Variants in PDZD8 observed in about 807,000 individuals in gnomAD.
PDZD8 encodes the protein PDZ domain containing 8, also known as PDZ domain-containing protein 8.
Under a neutral mutation model 85.8 loss-of-function variants are expected in PDZD8, and 14 were observed. The observed-to-expected ratio is 0.16, with a 90% CI of 0.11 to 0.26. The LOEUF (loss-of-function observed/expected upper bound fraction) is 0.26. PDZD8 is among the 10% of genes least tolerant of loss of function. PDZD8 has a pLI of 1.00. For synonymous variants in PDZD8, 592 were observed against 568.6 expected (o/e 1.04, Z -0.59); for missense variants, 1,197 against 1,424.3 (o/e 0.84, Z 2.57).
intron 2 of PDZD8, among the ~76,000 whole-genome samples, chr10:117,326,017 T>C (rs1844310519): frequency 1.3e-5 from 2 of 152,128 alleles, no homozygotes. Flanking sequence ...TCGCACTCAA[T>C]CTCTCTCCTG....
At chr10:117,366,005 T>C (rs534350249) in intron 1 of PDZD8, among the ~76,000 whole-genome samples, 1 of 152,010 alleles carries the variant, frequency 6.6e-6, no homozygotes, top group South Asian at 2.1e-4. Context: ...ACTATTGATC[T>C]AGAGTCCCTC....
At position 117,277,412 on chromosome 10, in the gene PDZD8, T is replaced by G. The variant is rs545086132; in HGVS notation, c.*5856A>C. On this transcript the variant is annotated 3_prime_UTR_variant, in exon 5 of 5. Coordinates refer to ENST00000334464, the MANE Select transcript of PDZD8 (RefSeq NM_173791.5). ...GGTTATTATTTCCTTTCCATGGTTATGGTCGATTGCCAACAGCCTTATAAA... is the reference window on the plus strand; with the variant it reads ...GGTTATTATTTCCTTTCCATGGTTAGGGTCGATTGCCAACAGCCTTATAAA... The G allele has an allele frequency of 2.0e-6, 1 of 493,190 alleles. No homozygotes were observed. Among genetic ancestry groups the G allele is most frequent in the South Asian group, 3.6e-5 (1 of 27,532 alleles). The allele number at this position is 493,190 out of a possible 1,614,324, so 30.6% of individuals were successfully genotyped here.
chr10:117,291,894 G>A (rs1240700925), intron 3 of PDZD8, among the ~76,000 whole-genome samples: 1 of 150,270 alleles, frequency 6.7e-6, no homozygotes, highest in Non-Finnish European at 1.5e-5. Context: ...CATCCCAGCT[G>A]TTGACAAGGA....
chr10:117,339,483 G>A (rs1844573391), intron 2 of PDZD8, among the ~76,000 whole-genome samples: 1 of 152,186 alleles, frequency 6.6e-6, no homozygotes. Flanking sequence ...AAATATTTAA[G>A]TAGGGAATGG....
intron 4 of PDZD8, among the ~76,000 whole-genome samples, chr10:117,289,839 C>T (rs956228374): frequency 7.2e-5 from 11 of 151,956 alleles, no homozygotes; most frequent in Non-Finnish European, 1.3e-4. Context: ...TGGTGGTAGT[C>T]GTACAGAAAG....
chr10:117,373,909 G>A lies in PDZD8; in HGVS notation c.872+447C>T, dbSNP rs528283482. ...AAATTAGCACAGACCTGGGCTATAAGCACACTCTTCACGCGTGTACTGTGT... is the reference window on the plus strand; with the variant it reads ...AAATTAGCACAGACCTGGGCTATAAACACACTCTTCACGCGTGTACTGTGT... On this transcript the variant is annotated intron_variant, in intron 1 of 4. Transcript: ENST00000334464. 2.0e-5 allele frequency among the ~76,000 whole-genome samples: 3 copies of A among 152,304 alleles called. No individual in the cohort carries two copies. In the South Asian group the frequency reaches 6.2e-4, roughly 32 times the overall value.
chr10:117,342,387 A>AAC (rs1368647539), intron 1 of PDZD8, among the ~76,000 whole-genome samples: 4 of 74,920 alleles, frequency 5.3e-5, no homozygotes, highest in Non-Finnish European at 1.1e-4. Flanking sequence ...TGACCACACA[A>AAC]ACAGATACAC....
chr10:117,375,223 C>T lies in PDZD8; in HGVS notation c.5G>A (p.Gly2Glu). The change falls in exon 1 of 5, where the codon GGG becomes GAG. Residue 2 changes from glycine to glutamate, a missense_variant. Physicochemically the swap from Gly to Glu is moderately conservative, Grantham distance 98 (BLOSUM62 -2). Around this residue, in one of 4 missense-constraint regions of PDZD8, gnomAD observed 172 missense variants for 137.8 expected, o/e 1.25. Transcript: ENST00000334464. ...CGACGCCAGGATCATGAGCAGCAGC[C>T]CCATCCCGCCACCGCCTCCGCCCGG... MGLLLMILASAV... is the reference protein window; with the variant it reads MELLLMILASAV... The T allele has an allele frequency of 6.7e-7, 1 of 1,491,262 alleles. No homozygotes were observed. 92.4% of individuals were successfully genotyped at this position (1,491,262 alleles called of 1,614,324 possible). A position where few individuals can be genotyped will look rare whatever the true frequency, so the allele number is the denominator to read the frequency against.
At chr10:117,313,949 C>A (rs1329583634) in intron 3 of PDZD8, among the ~76,000 whole-genome samples, 1 of 152,164 alleles carries the variant, frequency 6.6e-6, no homozygotes, top group Non-Finnish European at 1.5e-5. Context: ...TCAGATCTCT[C>A]CTTAACTCTG....
intron 3 of PDZD8, among the ~76,000 whole-genome samples, chr10:117,310,649 T>A (rs1844020121): frequency 2.0e-5 from 3 of 152,148 alleles, no homozygotes; most frequent in African/African-American, 2.4e-5. Flanking sequence ...AACTATAGAA[T>A]GTTATATATG....
intron 2 of PDZD8, among the ~76,000 whole-genome samples, chr10:117,339,401 G>T (rs1844571817): frequency 6.6e-6 from 1 of 152,124 alleles, no homozygotes; most frequent in Admixed American, 6.5e-5. Flanking sequence ...AACCAAGAAA[G>T]GTTGGCTTCA....
intron 4 of PDZD8, chr10:117,285,813 C>G (rs567996804): frequency 1.6e-5 from 14 of 888,608 alleles, no homozygotes; most frequent in Middle Eastern, 1.1e-3. Context: ...AAGAAGTGAA[C>G]AGAGAGAGAT....
chr10:117,367,539 T>G (rs1845111761), intron 1 of PDZD8, among the ~76,000 whole-genome samples: 1 of 152,236 alleles, frequency 6.6e-6, no homozygotes, highest in Non-Finnish European at 1.5e-5. Context: ...TCTAAAGTGT[T>G]TTAAAAGCTG....
In PDZD8 at chr10:117,283,845, A is replaced by T; in HGVS notation, c.2888T>A (p.Leu963His). 7 of 1,614,160 alleles carry T rather than the reference A, an allele frequency of 4.3e-6. No individual in the cohort carries two copies. Among genetic ancestry groups the T allele is most frequent in the Non-Finnish European group, 5.9e-6 (7 of 1,180,042 alleles). The stretch of plus-strand genomic sequence containing the variant: ...TGTGTGTTTTGGTGAAGGTTCTACG[A>T]GATCGGTTCCTGGTTCAGAAAGGCG... ...KTRLSEPGTD[L>H]VEPSPKHTPN... The change falls in exon 5 of 5, where the codon CTC becomes CAC. Residue 963 changes from leucine to histidine, a missense_variant. Transcript: ENST00000334464.
intron 2 of PDZD8, among the ~76,000 whole-genome samples, chr10:117,323,065 T>C (rs1238869296): frequency 6.6e-6 from 1 of 152,154 alleles, no homozygotes; most frequent in Non-Finnish European, 1.5e-5. Context: ...AAGCTGCATA[T>C]ACTTACAGAA....
rs75776288 is a variant in PDZD8, at chr10:117,360,413, C to A, written c.872+13943G>T. Among the ~76,000 whole-genome samples the A allele has an allele frequency of 4.4e-3, 668 of 152,084 alleles. 2 individuals are homozygous for A. The highest frequency in any genetic ancestry group is 0.015 in the African/African-American group (637 of 41,506). Reference sequence around the variant, plus strand: ...GCTTTCACATAGCTAAAAAAATGGGCAAATCCAAACTCTTATTCTTTCCTG... The same window carrying A: ...GCTTTCACATAGCTAAAAAAATGGGAAAATCCAAACTCTTATTCTTTCCTG... On this transcript the variant is annotated intron_variant, in intron 1 of 4. Transcript: ENST00000334464.
intron 1 of PDZD8, among the ~76,000 whole-genome samples, chr10:117,369,200 C>T (rs1332452484): frequency 1.3e-5 from 2 of 151,764 alleles, no homozygotes; most frequent in African/African-American, 4.8e-5. Context: ...GCTCTGTTGC[C>T]CAGGCTGGAG....
At chr10:117,343,716 T>C (rs978419899) in intron 1 of PDZD8, among the ~76,000 whole-genome samples, 1 of 152,240 alleles carries the variant, frequency 6.6e-6, no homozygotes, top group African/African-American at 2.4e-5. Context: ...TTGGATTTAC[T>C]AATGCTCAGG....
At chr10:117,320,692 A>C (rs79886359) in intron 2 of PDZD8, among the ~76,000 whole-genome samples, 2,061 of 152,248 alleles carry the variant, frequency 0.014, 45 homozygotes, top group African/African-American at 0.046. Context: ...GGATTCCACC[A>C]AAGTTAGGAA....
Sources: gnomAD v4.1 joint callset for allele counts (sites outside exome capture counted in the v4.1 genomes callset) on GRCh38, gnomAD v4.1.1 for gene constraint, gnomAD v4.1.1 regional missense constraint, MANE v1.5 for transcripts, NCBI Gene and HGNC (gene_info 2026-07-23, HGNC 2026-07-21) for gene names.